ELOC: variants seen among roughly 807,000 people sequenced by gnomAD.
ELOC encodes the protein elongin C.
For synonymous variants in ELOC, 40 were observed against 51.3 expected, an observed-to-expected ratio of 0.78 and a Z score of 0.94; for missense variants, 38 against 139.0, an observed-to-expected ratio of 0.27 and a Z score of 3.65.
Position 73,946,553 on chromosome 8 carries a change from T to C in ELOC, c.*77A>G. On this transcript the variant is annotated 3_prime_UTR_variant, in exon 4 of 4. Coordinates refer to ENST00000520242, the MANE Select transcript of ELOC (RefSeq NM_005648.4). The stretch of plus-strand genomic sequence containing the variant: ...TCAACTGCATACAGGCAACATGCTA[T>C]ATATGAAAAAGTTACTAACTGAACT... The C allele has an allele frequency of 8.7e-7, 1 of 1,143,792 alleles. No homozygotes were observed. The allele number at this position is 1,143,792 out of a possible 1,614,324, so 70.9% of individuals were successfully genotyped here.
chr8:73,971,137 G>A (rs1815368976), intron 1 of ELOC, among the ~76,000 whole-genome samples: 1 of 152,116 alleles, frequency 6.6e-6, no homozygotes, highest in Non-Finnish European at 1.5e-5. Context: ...CAGGCGCGGT[G>A]GCTCACGCCT....
Position 73,955,932 on chromosome 8 carries a change from T to C in ELOC, c.127A>G (p.Lys43Glu). The C allele has an allele frequency of 6.2e-7, 1 of 1,613,524 alleles. No individual in the cohort carries two copies. The highest frequency in any genetic ancestry group is 8.5e-7 in the Non-Finnish European group (1 of 1,179,492). ...TTACCTGGGCCACTCAACATGGCTT[T>C]TATCGTGCCTGATGTTAATGCATGT... ...REHALTSGTI[K>E]AMLSGPGQFA... Residue 43 changes from lysine (K) to glutamate (E), a missense_variant, in exon 3 of 4, where the codon AAA becomes GAA. Coordinates refer to ENST00000520242, the MANE Select transcript of ELOC (RefSeq NM_005648.4).
rs192035322 is a variant in ELOC, at chr8:73,961,214, C to T, written c.-50-1396G>A. Among the ~76,000 whole-genome samples the T allele has an allele frequency of 2.6e-5, 4 of 152,258 alleles. No homozygotes were observed. In the East Asian group the frequency reaches 5.8e-4, roughly 22 times the overall value. On this transcript the variant is annotated intron_variant, in intron 1 of 3. Transcript: ENST00000520242. The stretch of plus-strand genomic sequence containing the variant: ...ATTTATTCAGGGGATCTCATTTATA[C>T]TGATACTCTTTTTTACGTCATTAAC...
intron 3 of ELOC, among the ~76,000 whole-genome samples, chr8:73,948,075 C>A (rs910482232): frequency 4.6e-5 from 7 of 151,772 alleles, no homozygotes; most frequent in African/African-American, 1.5e-4. Context: ...GCCAGTAATC[C>A]CAGGTACTCG....
chr8:73,968,716 C>A (rs556946862), intron 1 of ELOC, among the ~76,000 whole-genome samples: 1 of 152,174 alleles, frequency 6.6e-6, no homozygotes, highest in Non-Finnish European at 1.5e-5. Flanking sequence ...ATTGATATTC[C>A]GTCACCTAAC....
At chr8:73,948,256 C>T (rs1813514771) in intron 3 of ELOC, among the ~76,000 whole-genome samples, 2 of 151,678 alleles carry the variant, frequency 1.3e-5, no homozygotes, top group Non-Finnish European at 2.9e-5. Flanking sequence ...CTAATTCTCT[C>T]CCTGTGGGTT....
At chr8:73,960,061 A>G (rs1209101136) in intron 1 of ELOC, among the ~76,000 whole-genome samples, 1 of 152,244 alleles carries the variant, frequency 6.6e-6, no homozygotes, top group Non-Finnish European at 1.5e-5. Flanking sequence ...AAATAGAAAC[A>G]TAACATATAA....
At position 73,945,851 on chromosome 8, in the gene ELOC, T is replaced by C. The variant is rs1813349359; in HGVS notation, c.*779A>G. On this transcript the variant is annotated 3_prime_UTR_variant, in exon 4 of 4. Coordinates refer to ENST00000520242, the MANE Select transcript of ELOC (RefSeq NM_005648.4). ...TAAAATACATTTAAACAACTGGAAG[T>C]ATAATCACAACAAGGGACTATGAAG... The C allele has an allele frequency of 6.6e-6, 1 of 152,304 alleles. No individual in the cohort carries two copies. The allele number at this position is 152,304 out of a possible 1,614,324, so 9.4% of individuals were successfully genotyped here. A position where few individuals can be genotyped will look rare whatever the true frequency, so the allele number is the denominator to read the frequency against.
In ELOC at chr8:73,959,789, CT is replaced by C; in HGVS notation, c.-22del. 1.3e-6 allele frequency: 2 copies of C among 1,550,850 alleles called. No individual in the cohort carries two copies. Among genetic ancestry groups the C allele is most frequent in the Non-Finnish European group, 1.7e-6 (2 of 1,149,388 alleles). On this transcript the variant is annotated 5_prime_UTR_variant, in exon 2 of 4. Coordinates refer to ENST00000520242, the MANE Select transcript of ELOC (RefSeq NM_005648.4). ...CCCATTTTGTTCTTATGAAATTCTACTTTGCTTCCCCAGGAACTTTAGTAGT... is the reference window on the plus strand; with the variant it reads ...CCCATTTTGTTCTTATGAAATTCTACTTGCTTCCCCAGGAACTTTAGTAGT...
rs1300758037 is a variant in ELOC, at chr8:73,965,047, A to AAAC, written c.-50-5230_-50-5229insGTT. Among the ~76,000 whole-genome samples the AAAC allele has an allele frequency of 3.3e-5, 5 of 151,474 alleles. No homozygotes were observed. In the East Asian group the frequency reaches 9.7e-4, roughly 29 times the overall value. ...TCTCAAAAACAAACCAAAAAAAAAA[A>AAAC]AAAAAACTCTCAAAAACCAAAAAGA... On this transcript the variant is annotated intron_variant, in intron 1 of 3. Coordinates refer to ENST00000520242, the MANE Select transcript of ELOC (RefSeq NM_005648.4).
intron 1 of ELOC, 86 bp downstream of exon 1, chr8:73,971,991 G>A (rs1461459035): frequency 1.3e-5 from 2 of 152,350 alleles, no homozygotes; most frequent in Non-Finnish European, 2.9e-5. Flanking sequence ...GGGGTGGGAA[G>A]TGGGATTGCG....
intron 1 of ELOC, among the ~76,000 whole-genome samples, chr8:73,966,193 T>C (rs888859274): frequency 7.2e-5 from 11 of 152,114 alleles, no homozygotes; most frequent in African/African-American, 2.2e-4. Context: ...CATTCCAACC[T>C]AATGGGAAGA....
intron 3 of ELOC, chr8:73,955,703 T>G (rs995593984): frequency 3.5e-6 from 2 of 569,286 alleles, no homozygotes; most frequent in Non-Finnish European, 6.2e-6. Context: ...AGGCGGAGAT[T>G]GCAGTGAGCT....
intron 3 of ELOC, among the ~76,000 whole-genome samples, chr8:73,953,632 C>T (rs980840366): frequency 6.6e-5 from 10 of 151,820 alleles, no homozygotes; most frequent in African/African-American, 1.9e-4. Flanking sequence ...TGCACTGCAG[C>T]CTGGGCAACG....
intron 1 of ELOC, chr8:73,969,774 C>A (rs1365066808): frequency 1.3e-5 from 2 of 152,198 alleles, no homozygotes; most frequent in African/African-American, 4.8e-5. Flanking sequence ...CTTACTTACA[C>A]ATATCCTTTC....
intron 3 of ELOC, among the ~76,000 whole-genome samples, chr8:73,951,485 G>A (rs906974655): frequency 5.9e-5 from 9 of 151,868 alleles, no homozygotes; most frequent in African/African-American, 1.7e-4. Context: ...GGGCAACATC[G>A]CTACAGAAAA....
At chr8:73,949,981 G>C (rs750055238) in intron 3 of ELOC, among the ~76,000 whole-genome samples, 4 of 152,078 alleles carry the variant, frequency 2.6e-5, no homozygotes, top group Admixed American at 6.6e-5. Flanking sequence ...ATTCATCAGA[G>C]CCATGTTGTG....
chr8:73,954,849 T>C (rs1000667507), intron 3 of ELOC, among the ~76,000 whole-genome samples: 4 of 150,172 alleles, frequency 2.7e-5, no homozygotes, highest in Non-Finnish European at 5.9e-5. Flanking sequence ...CCGACCAATA[T>C]GGTGAAAACC....
rs1002644004 is a variant in ELOC, at chr8:73,970,321, C to A, written c.-51+1756G>T. Reference sequence around the variant, plus strand: ...GTGCTAAAAAATCTACCAAAAAAACCAAGATAAACATTTTAGAAGATTTAA... The same window carrying A: ...GTGCTAAAAAATCTACCAAAAAAACAAAGATAAACATTTTAGAAGATTTAA... On this transcript the variant is annotated intron_variant, in intron 1 of 3. Coordinates refer to ENST00000520242, the MANE Select transcript of ELOC (RefSeq NM_005648.4). 3.9e-5 allele frequency among the ~76,000 whole-genome samples: 6 copies of A among 152,100 alleles called. No homozygotes were observed. In the East Asian group the frequency reaches 1.2e-3, roughly 29 times the overall value.
Sources: allele counts gnomAD v4.1 joint callset (sites outside exome capture counted in the v4.1 genomes callset), GRCh38; gene constraint gnomAD v4.1.1; transcripts MANE v1.5; gene names NCBI Gene and HGNC (gene_info 2026-07-23, HGNC 2026-07-21).